GRHL2: variants seen among roughly 807,000 people sequenced by gnomAD.
GRHL2 encodes the protein grainyhead-like protein 2 homolog.
A neutral mutation model predicts 83.8 loss-of-function variants in GRHL2; 21 were observed. The observed-to-expected ratio is 0.25, with a 90% CI of 0.18 to 0.36. The LOEUF is 0.36. Among genes scored for constraint, GRHL2 ranks in the 10% least tolerant of loss-of-function variants. The pLI, the probability that GRHL2 is intolerant of heterozygous loss-of-function variation, is 1.00. For synonymous variants in GRHL2, 280 were observed against 278.9 expected, an observed-to-expected ratio of 1.00 and a Z score of -0.04; for missense variants, 623 against 781.8, an observed-to-expected ratio of 0.80 and a Z score of 2.42.
intron 9 of GRHL2, among the ~76,000 whole-genome samples, chr8:101,620,969 GA>G (rs527700716): frequency 2.0e-5 from 3 of 150,058 alleles, no homozygotes; most frequent in East Asian, 1.9e-4. Flanking sequence ...AAGCTGAGTT[GA>G]AAAAAAAAGG....
intron 8 of GRHL2, among the ~76,000 whole-genome samples, chr8:101,611,641 C>A (rs1812752398): frequency 6.6e-6 from 1 of 150,836 alleles, no homozygotes; most frequent in Non-Finnish European, 1.5e-5. Context: ...AACACAATGG[C>A]CTTTTCTCAG....
Position 101,668,251 on chromosome 8 carries a change from T to G in GRHL2, c.*1548T>G, listed in dbSNP as rs1489587766. On this transcript the variant is annotated 3_prime_UTR_variant, in exon 16 of 16. Coordinates refer to ENST00000646743, the MANE Select transcript of GRHL2 (RefSeq NM_024915.4). ...CTTGTGGGCTGAAGCACTAGCTTTT[T>G]GGTAGCTAGACACATCCTGCACCCA... The G allele has an allele frequency of 6.6e-5, 10 of 151,390 alleles. No homozygotes were observed. The Admixed American group carries it at 6.6e-4, about 10-fold the overall frequency. The allele number at this position is 151,390 out of a possible 1,614,324, so 9.4% of individuals were successfully genotyped here. A position where few individuals can be genotyped will look rare whatever the true frequency, so the allele number is the denominator to read the frequency against.
intron 7 of GRHL2, among the ~76,000 whole-genome samples, chr8:101,590,937 A>G (rs1586125112): frequency 6.6e-6 from 1 of 152,292 alleles, no homozygotes; most frequent in East Asian, 1.9e-4. Context: ...ATCTCCAAAA[A>G]TATATACAAA....
intron 11 of GRHL2, among the ~76,000 whole-genome samples, chr8:101,634,046 C>A (rs1034838877): frequency 3.3e-5 from 5 of 152,226 alleles, no homozygotes; most frequent in African/African-American, 9.6e-5. Flanking sequence ...ATAAGCCCGG[C>A]TGTCAGCCTG....
intron 1 of GRHL2, among the ~76,000 whole-genome samples, chr8:101,501,063 A>G (rs1403156301): frequency 6.6e-6 from 1 of 152,270 alleles, no homozygotes; most frequent in Non-Finnish European, 1.5e-5. Flanking sequence ...ACACATTTTA[A>G]GAATTCTTAT....
chr8:101,647,614 T>C (rs1813538247), intron 13 of GRHL2, among the ~76,000 whole-genome samples: 1 of 152,252 alleles, frequency 6.6e-6, no homozygotes, highest in Non-Finnish European at 1.5e-5. Flanking sequence ...ATGAAGGCTA[T>C]AAAATATTCC....
intron 1 of GRHL2, among the ~76,000 whole-genome samples, chr8:101,505,976 T>C (rs1810333737): frequency 6.6e-6 from 1 of 152,220 alleles, no homozygotes; most frequent in South Asian, 2.1e-4. Context: ...AGAACAAAAT[T>C]AAACATGCTA....
intron 1 of GRHL2, among the ~76,000 whole-genome samples, chr8:101,524,185 T>C (rs1336590368): frequency 2.0e-5 from 3 of 152,204 alleles, no homozygotes; most frequent in Non-Finnish European, 4.4e-5. Flanking sequence ...ATAAAGTGAT[T>C]CACAAAATTG....
At chr8:101,678,969 T>C in the GRHL2 span, among the ~76,000 whole-genome samples, 1 of 133,000 alleles carries the variant, frequency 7.5e-6, no homozygotes, top group African/African-American at 2.9e-5. Flanking sequence ...ACCACAAAGA[T>C]GGGGAAAAAA....
intron 4 of GRHL2, among the ~76,000 whole-genome samples, chr8:101,561,148 C>T (rs775857801): frequency 1.4e-4 from 21 of 149,682 alleles, no homozygotes; most frequent in Non-Finnish European, 3.0e-4. Context: ...TGATTCATTT[C>T]GAAGTAATTT....
chr8:101,674,816 A>C, the GRHL2 span, among the ~76,000 whole-genome samples: 4 of 152,130 alleles, frequency 2.6e-5, no homozygotes, highest in Non-Finnish European at 5.9e-5. Context: ...TCAATAAAAT[A>C]CTGGCAAAAC....
intron 13 of GRHL2, among the ~76,000 whole-genome samples, chr8:101,646,785 G>T (rs1813519396): frequency 6.6e-6 from 1 of 152,206 alleles, no homozygotes; most frequent in African/African-American, 2.4e-5. Flanking sequence ...GGTTGTTCTT[G>T]CGACTATCAG....
chr8:101,559,818 T>C (rs573188566), intron 4 of GRHL2, among the ~76,000 whole-genome samples: 145 of 152,314 alleles, frequency 9.5e-4, no homozygotes, highest in Admixed American at 2.1e-3. Flanking sequence ...GAAAATTTCC[T>C]TGAAGCTCTT....
chr8:101,659,662 C>T (rs947481788), intron 14 of GRHL2, among the ~76,000 whole-genome samples: 1 of 152,178 alleles, frequency 6.6e-6, no homozygotes, highest in Non-Finnish European at 1.5e-5. Context: ...TTTTAATTTG[C>T]ATGTGCAAGT....
At chr8:101,550,048 T>G (rs1811346365) in intron 2 of GRHL2, among the ~76,000 whole-genome samples, 1 of 151,898 alleles carries the variant, frequency 6.6e-6, no homozygotes, top group Non-Finnish European at 1.5e-5. Context: ...TATATATGTA[T>G]AGTTTTCCAG....
At chr8:101,501,116 G>T (rs1385000997) in intron 1 of GRHL2, among the ~76,000 whole-genome samples, 1 of 152,222 alleles carries the variant, frequency 6.6e-6, no homozygotes, top group African/African-American at 2.4e-5. Context: ...AGATTTCAAT[G>T]TATATTTTGA....
chr8:101,661,748 A>G (rs113666838), intron 14 of GRHL2, among the ~76,000 whole-genome samples: 3,951 of 152,270 alleles, frequency 0.026, 142 homozygotes, highest in African/African-American at 0.076. Flanking sequence ...CACCCTGATA[A>G]GTGAGAGATA....
In GRHL2 at chr8:101,577,534, A is replaced by G; in HGVS notation, c.1003+15A>G. The G allele has an allele frequency of 6.6e-7, 1 of 1,522,668 alleles. No individual in the cohort carries two copies. Among genetic ancestry groups the G allele is most frequent in the Non-Finnish European group, 9.1e-7 (1 of 1,097,254 alleles). 94.3% of individuals were successfully genotyped at this position (1,522,668 alleles called of 1,614,324 possible). A position where few individuals can be genotyped will look rare whatever the true frequency, so the allele number is the denominator to read the frequency against. ...CCTTGACATTGGTAAGTTGACCTTG[A>G]CTTCCCTGTATAGTCCTCGATAAAC... On this transcript the variant is annotated intron_variant, in intron 7 of 15. Transcript: ENST00000646743.
chr8:101,502,767 C>T (rs1810256357), intron 1 of GRHL2, among the ~76,000 whole-genome samples: 1 of 151,906 alleles, frequency 6.6e-6, no homozygotes, highest in Non-Finnish European at 1.5e-5. Context: ...CCTATTCTTT[C>T]TCCTCTTCCT....
Sources: allele counts gnomAD v4.1 joint callset (sites outside exome capture counted in the v4.1 genomes callset), GRCh38; gene constraint gnomAD v4.1.1; transcripts MANE v1.5; gene names NCBI Gene and HGNC (gene_info 2026-07-23, HGNC 2026-07-21).